Variants in TRAK1 observed in about 807,000 individuals in gnomAD.
TRAK1 encodes trafficking kinesin protein 1.
TRAK1 carries 33 observed loss-of-function variants against 92.1 expected under a neutral mutation model. The observed-to-expected ratio is 0.36, with a 90% confidence interval of 0.27 to 0.48. TRAK1 has a LOEUF of 0.48. Among genes scored for constraint, TRAK1 ranks in the 20% least tolerant of loss-of-function variants. The probability of loss-of-function intolerance (pLI) is 0.99; values close to 1 mark genes in which losing one functional copy is unlikely to be tolerated. For synonymous variants in TRAK1, 521 were observed against 517.3 expected (o/e 1.01, Z -0.10); for missense variants, 1,123 against 1,257.9 (o/e 0.89, Z 1.62).
rs73828514 is a variant in TRAK1 at position 42,043,620 on chromosome 3, G to T, written c.-519+29503G>T. Among the ~76,000 whole-genome samples the T allele has an allele frequency of 6.8e-3, 1,036 of 151,960 alleles. 50 individuals carry two copies. The East Asian group carries it at 0.13, about 19-fold the overall frequency. On this transcript the variant is annotated intron_variant, in intron 1 of 16. Coordinates refer to the TRAK1 transcript ENST00000487159. ...TCTTGTTTTCTCCATGGAGCTGGGG[G>T]GGGGGCGGGGGGAGTAAAGGGGATC...
intron 1 of TRAK1, among the ~76,000 whole-genome samples, chr3:42,110,446 G>C (rs77250637): frequency 0.025 from 3,754 of 152,142 alleles, 139 homozygotes; most frequent in African/African-American, 0.085. Flanking sequence ...CCTACACACA[G>C]AGCTTTTTAA....
intron 1 of TRAK1, among the ~76,000 whole-genome samples, chr3:42,105,796 G>A (rs995531728): frequency 6.6e-6 from 1 of 152,178 alleles, no homozygotes; most frequent in Non-Finnish European, 1.5e-5. Context: ...ACAAAGGGAA[G>A]CCCATTAGAC....
intron 2 of TRAK1, among the ~76,000 whole-genome samples, chr3:42,138,684 C>T (rs905272173): frequency 2.7e-5 from 4 of 145,878 alleles, no homozygotes; most frequent in Admixed American, 7.0e-5. Context: ...TCCAGGAGTT[C>T]GAGACCAGCC....
chr3:42,164,021 C>T (rs1701586272), intron 2 of TRAK1, among the ~76,000 whole-genome samples: 1 of 152,134 alleles, frequency 6.6e-6, no homozygotes, highest in Non-Finnish European at 1.5e-5. Context: ...TGGTGCAGAT[C>T]AGAAAGATAG....
At chr3:42,057,784 C>G (rs532187981) in intron 1 of TRAK1, among the ~76,000 whole-genome samples, 1 of 152,280 alleles carries the variant, frequency 6.6e-6, no homozygotes, top group Non-Finnish European at 1.5e-5. Context: ...GGCCACATGT[C>G]TCTCCTCCAT....
At chr3:42,108,947 T>TAG (rs1469935975) in intron 1 of TRAK1, among the ~76,000 whole-genome samples, 4 of 152,270 alleles carry the variant, frequency 2.6e-5, no homozygotes, top group Middle Eastern at 3.4e-3. Context: ...GGAGAAAATT[T>TAG]AGAGAAAGAA....
In TRAK1 at chr3:42,203,494, C is replaced by CT. The variant is rs34602604; in HGVS notation, c.1744+763dup. The CT allele has an allele frequency of 1.2e-3, 1,173 of 945,526 alleles. 1 individual carries two copies. Among genetic ancestry groups the CT allele is most frequent in the African/African-American group, 2.6e-3 (130 of 50,326 alleles). The allele number at this position is 945,526 out of a possible 1,614,324, so 58.6% of individuals were successfully genotyped here. On this transcript the variant is annotated intron_variant, in intron 13 of 15. Coordinates refer to ENST00000327628, the MANE Select transcript of TRAK1 (RefSeq NM_001042646.3). ...CTCTCTCCCTCTTGCCCTCCTGCCT[C>CT]TTTTTTTTTTTTTTTTTTTTTAATT... is the stretch of plus-strand genomic sequence containing the variant.
At chr3:42,047,815 T>C (rs1702816059) in intron 1 of TRAK1, among the ~76,000 whole-genome samples, 1 of 152,188 alleles carries the variant, frequency 6.6e-6, no homozygotes, top group African/African-American at 2.4e-5. Context: ...CCAGAGAAAC[T>C]TCTGTGTGTG....
chr3:42,085,050 G>A (rs1033326416), upstream of TRAK1, among the ~76,000 whole-genome samples: 1 of 151,938 alleles, frequency 6.6e-6, no homozygotes, highest in Non-Finnish European at 1.5e-5. Flanking sequence ...GAAACTTTTC[G>A]AGTGTTTACA....
intron 1 of TRAK1, among the ~76,000 whole-genome samples, chr3:42,120,956 C>A (rs1206112458): frequency 6.6e-6 from 1 of 152,188 alleles, no homozygotes; most frequent in East Asian, 1.9e-4. Context: ...CTGTTTAGAA[C>A]AAAAACTTCC....
At chr3:42,170,579 A>G (rs1702413580) in intron 2 of TRAK1, among the ~76,000 whole-genome samples, 1 of 152,218 alleles carries the variant, frequency 6.6e-6, no homozygotes, top group African/African-American at 2.4e-5. Context: ...TGCTAGGGAT[A>G]CGTGTCTACT....
chr3:42,027,165 A>G (rs1000872096), intron 1 of TRAK1, among the ~76,000 whole-genome samples: 3 of 152,202 alleles, frequency 2.0e-5, no homozygotes, highest in Non-Finnish European at 2.9e-5. Context: ...ATGAGATAAT[A>G]TGTGCATACA....
At chr3:42,117,441 TCTC>T (rs1218088506) in intron 1 of TRAK1, among the ~76,000 whole-genome samples, 1 of 152,042 alleles carries the variant, frequency 6.6e-6, no homozygotes, top group Non-Finnish European at 1.5e-5. Flanking sequence ...CCTGTTCTTC[TCTC>T]CTCCTTTGCT....
At chr3:42,140,320 G>C (rs1037317289) in intron 2 of TRAK1, among the ~76,000 whole-genome samples, 1 of 152,116 alleles carries the variant, frequency 6.6e-6, no homozygotes, top group African/African-American at 2.4e-5. Flanking sequence ...GTGACTGGCA[G>C]CGGCAACATT....
intron 13 of TRAK1, chr3:42,203,930 G>A (rs367678182): frequency 2.9e-4 from 287 of 985,630 alleles, no homozygotes; most frequent in Non-Finnish European, 3.3e-4. Context: ...TATTGCCCCT[G>A]TGAGACTGCA....
chr3:42,126,342 A>G (rs1443847835), intron 2 of TRAK1, among the ~76,000 whole-genome samples: 1 of 152,136 alleles, frequency 6.6e-6, no homozygotes, highest in Non-Finnish European at 1.5e-5. Context: ...GTTGTGTGAA[A>G]GCTCACTAAG....
chr3:42,118,250 A>T (rs1330117510), intron 1 of TRAK1, among the ~76,000 whole-genome samples: 1 of 149,292 alleles, frequency 6.7e-6, no homozygotes. Flanking sequence ...ACGCCCATCT[A>T]ATTTTTTTTT....
At chr3:42,107,219 G>C (rs1315084450) in intron 1 of TRAK1, among the ~76,000 whole-genome samples, 1 of 152,136 alleles carries the variant, frequency 6.6e-6, no homozygotes, top group East Asian at 1.9e-4. Context: ...GCAAGTCTAA[G>C]AAATCAATTA....
At chr3:42,090,391 G>A (rs142853329), upstream of TRAK1, among the ~76,000 whole-genome samples, 200 of 152,298 alleles carry the variant, frequency 1.3e-3, 1 homozygote, top group African/African-American at 4.7e-3. Flanking sequence ...AGAATGTACC[G>A]CTGAAACTTC....
Sources: gnomAD v4.1 joint callset for allele counts (sites outside exome capture counted in the v4.1 genomes callset) on GRCh38, gnomAD v4.1.1 for gene constraint, MANE v1.5 for transcripts, NCBI Gene and HGNC (gene_info 2026-07-23, HGNC 2026-07-21) for gene names.